The following ANTXR2 variants were observed in gnomAD, a reference collection of about 807,000 sequenced individuals.
ANTXR2 encodes ANTXR cell adhesion molecule 2.
A neutral mutation model predicts 73.7 loss-of-function variants in ANTXR2; 44 were observed. The observed-to-expected ratio is 0.60, with a 90% CI of 0.47 to 0.77. ANTXR2 has a LOEUF of 0.77. Among genes scored for constraint, ANTXR2 ranks in the 30% least tolerant of loss-of-function variants. The pLI is 0.00. For missense variants in ANTXR2, 604 were observed against 592.5 expected, an observed-to-expected ratio of 1.02 and a Z score of -0.20; for synonymous variants, 217 against 205.9, an observed-to-expected ratio of 1.05 and a Z score of -0.46.
chr4:80,000,071 TA>T (rs1045453799), intron 12 of ANTXR2, among the ~76,000 whole-genome samples: 25 of 152,028 alleles, frequency 1.6e-4, no homozygotes, highest in Non-Finnish European at 7.4e-5. Context: ...GAAAGATATA[TA>T]TTTTTTTCCA....
intron 16 of ANTXR2, among the ~76,000 whole-genome samples, chr4:79,953,857 A>ATT (rs66540404): frequency 0.07 from 10,660 of 152,146 alleles, 449 homozygotes; most frequent in Middle Eastern, 0.11. Context: ...TGTATGTATT[A>ATT]TATTTAAATA....
intron 6 of ANTXR2, 54 bp from the exon 7 acceptor site, chr4:80,054,406 T>TCTAACAGC: frequency 7.9e-7 from 1 of 1,265,928 alleles, no homozygotes; most frequent in Non-Finnish European, 1.1e-6. Flanking sequence ...ATACAACAAT[T>TCTAACAGC]TATAAACTTC....
intron 12 of ANTXR2, among the ~76,000 whole-genome samples, chr4:79,998,749 C>T (rs984725862): frequency 5.9e-5 from 9 of 151,952 alleles, no homozygotes; most frequent in Admixed American, 3.9e-4. Flanking sequence ...ACTCAATGAA[C>T]AGGATACAGA....
At chr4:80,069,921 C>T (rs1734703580) in intron 2 of ANTXR2, among the ~76,000 whole-genome samples, 1 of 152,116 alleles carries the variant, frequency 6.6e-6, no homozygotes, top group Admixed American at 6.5e-5. Context: ...ACTTAATGAC[C>T]ATAACTATGA....
intron 8 of ANTXR2, among the ~76,000 whole-genome samples, chr4:80,035,764 G>A (rs1732924690): frequency 6.6e-6 from 1 of 152,068 alleles, no homozygotes; most frequent in East Asian, 1.9e-4. Flanking sequence ...CACACAATAT[G>A]CTCATTATTT....
intron 3 of ANTXR2, among the ~76,000 whole-genome samples, chr4:80,057,264 T>C (rs1734043438): frequency 6.6e-6 from 1 of 151,992 alleles, no homozygotes; most frequent in Admixed American, 6.6e-5. Flanking sequence ...ACTGGGGCCA[T>C]ACACAACATT....
In ANTXR2 at chr4:79,994,284, T is replaced by TA. The variant is rs1353960329; in HGVS notation, c.1042-9422dup. Among the ~76,000 whole-genome samples the TA allele has an allele frequency of 1.1e-4, 16 of 152,078 alleles. No individual in the cohort carries two copies. The East Asian group carries it at 3.1e-3, about 29-fold the overall frequency. ...GAAGCTTAAACGATCATTTCCCTGG[T>TA]AAAAATGAATAAACAATCCCAATGT... On this transcript the variant is annotated intron_variant, in intron 12 of 16. Coordinates refer to ENST00000403729, the MANE Select transcript of ANTXR2 (RefSeq NM_058172.6).
At chr4:80,031,534 A>T (rs1480701213) in intron 10 of ANTXR2, 89 bp downstream of exon 10, 2 of 1,053,200 alleles carry the variant, frequency 1.9e-6, no homozygotes, top group African/African-American at 3.4e-5. Flanking sequence ...TCAAAAAAAG[A>T]TAGAATAAAA....
chr4:79,949,396 C>T lies in ANTXR2; in HGVS notation c.1428+28225G>A, dbSNP rs555990126. 3.9e-5 allele frequency among the ~76,000 whole-genome samples: 6 copies of T among 152,302 alleles called. No homozygotes were observed. In the East Asian group the frequency reaches 1.2e-3, roughly 29 times the overall value. ...TAATGATGACAAGGACTGGATTCAG[C>T]TGCAGCAGCTGTCACTGTCCCAGGT... On this transcript the variant is annotated intron_variant, in intron 16 of 16. Coordinates refer to ENST00000403729, the MANE Select transcript of ANTXR2 (RefSeq NM_058172.6).
intron 16 of ANTXR2, among the ~76,000 whole-genome samples, chr4:79,927,056 T>A (rs1727840209): frequency 1.0e-5 from 1 of 96,146 alleles, no homozygotes; most frequent in Non-Finnish European, 2.5e-5. Flanking sequence ...TGTGCGTGTG[T>A]GTGTGTATAT....
intron 7 of ANTXR2, among the ~76,000 whole-genome samples, chr4:80,051,853 A>T (rs1209630358): frequency 6.6e-6 from 1 of 151,702 alleles, no homozygotes; most frequent in Non-Finnish European, 1.5e-5. Context: ...TAAGAAATTA[A>T]TTCTAGACAA....
chr4:80,047,269 G>T (rs2110099268), intron 7 of ANTXR2, among the ~76,000 whole-genome samples: 1 of 151,664 alleles, frequency 6.6e-6, no homozygotes. Context: ...TACAGCTTTG[G>T]ACAGTAGAGG....
rs1439981198 is a variant in ANTXR2, at chr4:79,903,449, A to G, written c.*3980T>C. On this transcript the variant is annotated 3_prime_UTR_variant, in exon 17 of 17. Transcript: ENST00000403729. The stretch of plus-strand genomic sequence containing the variant: ...CAAGCATATTTTTATACAAATTTAC[A>G]TGTTGTACTGTGTACTTACTTATCA... The G allele has an allele frequency of 6.6e-6, 1 of 152,132 alleles. No homozygotes were observed. The highest frequency in any genetic ancestry group is 1.5e-5 in the Non-Finnish European group (1 of 68,020). The allele number at this position is 152,132 out of a possible 1,614,324, so 9.4% of individuals were successfully genotyped here.
chr4:79,916,578 TA>T (rs1727363304), intron 16 of ANTXR2, among the ~76,000 whole-genome samples: 1 of 151,876 alleles, frequency 6.6e-6, no homozygotes, highest in Admixed American at 6.6e-5. Flanking sequence ...CTTAAAGCAA[TA>T]AAAAAACAGA....
chr4:79,978,254 T>C, intron 14 of ANTXR2, 80 bp from the exon 15 acceptor site: 2 of 1,339,564 alleles, frequency 1.5e-6, no homozygotes, highest in Non-Finnish European at 2.0e-6. Flanking sequence ...TATGGTCCTT[T>C]AGTTCACATC....
At chr4:79,984,210 C>T (rs1475639389) in intron 13 of ANTXR2, among the ~76,000 whole-genome samples, 1 of 152,070 alleles carries the variant, frequency 6.6e-6, no homozygotes, top group Non-Finnish European at 1.5e-5. Flanking sequence ...CCCTAGGTAA[C>T]TAGAAGTTGT....
At chr4:80,073,280 C>G (rs1734913105), upstream of ANTXR2, 1 of 152,406 alleles carries the variant, frequency 6.6e-6, no homozygotes, top group South Asian at 2.1e-4. Context: ...AGCCTCCGAG[C>G]CACACATGCA....
intron 12 of ANTXR2, among the ~76,000 whole-genome samples, chr4:80,008,075 T>A (rs752080217): frequency 3.2e-4 from 48 of 152,244 alleles, no homozygotes; most frequent in South Asian, 1.0e-3. Context: ...CATGACTAAT[T>A]TCCGAACAAA....
intron 12 of ANTXR2, among the ~76,000 whole-genome samples, chr4:80,004,957 T>A (rs571882268): frequency 3.9e-5 from 6 of 152,124 alleles, no homozygotes; most frequent in African/African-American, 1.2e-4. Context: ...AAAAAAAACC[T>A]GAGAATCTCT....
Sources: allele counts gnomAD v4.1 joint callset (sites outside exome capture counted in the v4.1 genomes callset), GRCh38; gene constraint gnomAD v4.1.1; transcripts MANE v1.5; gene names NCBI Gene and HGNC (gene_info 2026-07-23, HGNC 2026-07-21).